Variants in RNF38 observed in about 807,000 individuals in gnomAD.
The protein encoded by RNF38 is E3 ubiquitin-protein ligase RNF38.
Under a neutral mutation model 67.2 loss-of-function variants are expected in RNF38, and 15 were observed. The ratio of observed to expected loss-of-function variants is 0.22; its 90% CI spans 0.15 to 0.34. RNF38 has a LOEUF of 0.34. Among genes scored for constraint, RNF38 ranks in the 10% least tolerant of loss-of-function variants. The pLI, the probability that RNF38 is intolerant of heterozygous loss-of-function variation, is 1.00. For synonymous variants in RNF38, 220 were observed against 218.8 expected (o/e 1.01, Z -0.05); for missense variants, 524 against 639.9 (o/e 0.82, Z 1.95).
intron 2 of RNF38, 85 bp from the exon 3 acceptor site, chr9:36,376,212 T>G: frequency 9.8e-7 from 1 of 1,019,092 alleles, no homozygotes; most frequent in Non-Finnish European, 1.4e-6. Flanking sequence ...TAGGATGTAC[T>G]TAACCTAAAA....
intron 4 of RNF38, among the ~76,000 whole-genome samples, chr9:36,360,285 GGTTA>G (rs1834432915): frequency 6.6e-6 from 1 of 152,052 alleles, no homozygotes; most frequent in Non-Finnish European, 1.5e-5. Context: ...ATGTCAAAGC[GGTTA>G]GTGTTAGTAC....
intron 2 of RNF38, among the ~76,000 whole-genome samples, chr9:36,408,956 G>A (rs1838248759): frequency 6.6e-6 from 1 of 152,188 alleles, no homozygotes; most frequent in Non-Finnish European, 1.5e-5. Flanking sequence ...GGAGGCAGAA[G>A]GGAGCGGATC....
At chr9:36,482,048 CTTTTTTTTT>C (rs767211095) in intron 1 of RNF38, among the ~76,000 whole-genome samples, 3 of 119,308 alleles carry the variant, frequency 2.5e-5, no homozygotes, top group Non-Finnish European at 3.4e-5. Flanking sequence ...ATACTTTTGT[CTTTTTTTTT>C]TTTTTTTTTT....
chr9:36,342,457 A>T, intron 10 of RNF38, 33 bp from the exon 11 acceptor site: 1 of 1,353,980 alleles, frequency 7.4e-7, no homozygotes, highest in South Asian at 1.2e-5. Context: ...TTAACCACAA[A>T]ACCAGATGGT....
intron 3 of RNF38, among the ~76,000 whole-genome samples, chr9:36,375,170 T>C (rs947783215): frequency 2.6e-5 from 4 of 152,216 alleles, no homozygotes; most frequent in African/African-American, 7.2e-5. Flanking sequence ...CATCTTTTCA[T>C]ACCACGGGCT....
chr9:36,401,361 C>G (rs747492577), upstream of RNF38, among the ~76,000 whole-genome samples: 7 of 144,624 alleles, frequency 4.8e-5, no homozygotes, highest in Non-Finnish European at 1.1e-4. Flanking sequence ...TATAGATTTT[C>G]TCTTAGTAAA....
chr9:36,414,194 T>C (rs185830138), intron 2 of RNF38, among the ~76,000 whole-genome samples: 203 of 152,330 alleles, frequency 1.3e-3, no homozygotes, highest in African/African-American at 4.2e-3. Flanking sequence ...TTCTTACCCA[T>C]TCTGCCACTC....
chr9:36,355,977 G>C (rs764355459), intron 6 of RNF38, among the ~76,000 whole-genome samples: 2 of 152,094 alleles, frequency 1.3e-5, no homozygotes, highest in African/African-American at 2.4e-5. Flanking sequence ...CTCCTGAGTA[G>C]CTGGAATTAC....
At chr9:36,465,487 C>T (rs1394019162) in intron 1 of RNF38, among the ~76,000 whole-genome samples, 1 of 152,116 alleles carries the variant, frequency 6.6e-6, no homozygotes, top group African/African-American at 2.4e-5. Context: ...ACTGGGATTA[C>T]AGGCATACGC....
intron 2 of RNF38, chr9:36,424,563 G>A (rs1286449598): frequency 5.0e-6 from 4 of 804,800 alleles, no homozygotes; most frequent in Non-Finnish European, 4.5e-6. Context: ...ATCCAGCAAC[G>A]TAAGGTTGGC....
intron 1 of RNF38, among the ~76,000 whole-genome samples, chr9:36,450,854 C>A (rs191944362): frequency 4.0e-5 from 6 of 151,880 alleles, no homozygotes; most frequent in Non-Finnish European, 8.8e-5. Context: ...GTGGAGGTTG[C>A]GGTAAGCCGA....
intron 3 of RNF38, among the ~76,000 whole-genome samples, chr9:36,374,751 G>A (rs1003517141): frequency 9.9e-5 from 15 of 152,156 alleles, no homozygotes; most frequent in Admixed American, 7.9e-4. Context: ...CAAAGTACTG[G>A]GATAACAGGC....
intron 1 of RNF38, among the ~76,000 whole-genome samples, chr9:36,399,614 C>G (rs1837843895): frequency 6.6e-6 from 1 of 151,404 alleles, no homozygotes; most frequent in Admixed American, 6.6e-5. Context: ...GAAATTTCAT[C>G]TTTTTATTCC....
intron 10 of RNF38, among the ~76,000 whole-genome samples, chr9:36,343,646 A>G (rs62541828): frequency 0.19 from 29,569 of 152,142 alleles, 3,456 homozygotes; most frequent in Non-Finnish European, 0.27. Flanking sequence ...GCATTATTCA[A>G]TCCCAAAGTG....
chr9:36,367,456 A>T (rs894470687), intron 4 of RNF38, among the ~76,000 whole-genome samples: 28 of 152,134 alleles, frequency 1.8e-4, no homozygotes, highest in African/African-American at 6.8e-4. Flanking sequence ...TGTTGATAAA[A>T]CCAATTATCT....
chr9:36,402,880 C>T (rs535835251), upstream of RNF38, among the ~76,000 whole-genome samples: 7 of 152,170 alleles, frequency 4.6e-5, no homozygotes, highest in East Asian at 3.9e-4. Context: ...TTTTGAGACA[C>T]GGTGCTCTGT....
chr9:36,417,960 A>T (rs549335384), intron 2 of RNF38, among the ~76,000 whole-genome samples: 1 of 152,342 alleles, frequency 6.6e-6, no homozygotes, highest in Non-Finnish European at 1.5e-5. Context: ...GTAAGAAAAA[A>T]CAATCTGTTA....
intron 9 of RNF38, 47 bp downstream of exon 9, chr9:36,351,068 T>TC (rs1833655225): frequency 7.5e-7 from 1 of 1,333,030 alleles, no homozygotes; most frequent in Non-Finnish European, 1.1e-6. Context: ...AATAATACTT[T>TC]CATGCACACA....
rs774690787 is a variant in RNF38, at chr9:36,352,750, T to G, written c.1170A>C (p.Pro390=). Residue 390 remains proline (P), a synonymous_variant, in exon 8 of 12, where the codon CCA becomes CCC. Transcript: ENST00000259605. ...GATAAGAAAGAACTTACAACACATA[T>G]GGCAGTAAGCTGGGATGATAAGGGG... ...PPPPYHPSLL[P]YVLSMLPVPP... The G allele has an allele frequency of 1.9e-6, 3 of 1,607,904 alleles. No individual in the cohort carries two copies. The highest frequency in any genetic ancestry group is 2.2e-5 in the South Asian group (2 of 90,964).
Sources: allele counts gnomAD v4.1 joint callset (sites outside exome capture counted in the v4.1 genomes callset), GRCh38; gene constraint gnomAD v4.1.1; transcripts MANE v1.5; gene names NCBI Gene and HGNC (gene_info 2026-07-23, HGNC 2026-07-21).